The following PLOD3 variants were observed in gnomAD, a reference collection of about 807,000 sequenced individuals.
The protein encoded by PLOD3 is procollagen-lysine,2-oxoglutarate 5-dioxygenase 3.
Under a neutral mutation model 96.9 loss-of-function variants are expected in PLOD3, and 73 were observed. The observed-to-expected ratio is 0.75, with a 90% CI of 0.62 to 0.92. The LOEUF is 0.92. Ranked by LOEUF, PLOD3 falls within the 40% of genes least tolerant of loss-of-function variation. The pLI is 0.00. For synonymous variants in PLOD3, 454 were observed against 413.7 expected (o/e 1.10, Z -1.18); for missense variants, 1,004 against 1,004.3 (o/e 1.00, Z 0.00).
rs1314217218 is a variant in PLOD3, at chr7:101,211,837, G to A, written c.1232+9C>T. The stretch of plus-strand genomic sequence containing the variant: ...TGCCCTCCGGCTGCGGGGAGAGGGG[G>A]TAAGCCACCTGTTCTCCTCAATGAG... On this transcript the variant is annotated intron_variant, in intron 11 of 18. Coordinates refer to ENST00000223127, the MANE Select transcript of PLOD3 (RefSeq NM_001084.5). 4 of 1,606,986 alleles carry A rather than the reference G, an allele frequency of 2.5e-6. No homozygotes were observed. The highest frequency in any genetic ancestry group is 2.7e-5 in the African/African-American group (2 of 74,770).
chr7:101,206,100 C>A lies in PLOD3; in HGVS notation c.*181G>T. 1 of 712,174 alleles carries A rather than the reference C, an allele frequency of 1.4e-6. No individual in the cohort carries two copies. The highest frequency in any genetic ancestry group is 1.6e-5 in the South Asian group (1 of 63,398). 44.1% of individuals were successfully genotyped at this position (712,174 alleles called of 1,614,324 possible). A position where few individuals can be genotyped will look rare whatever the true frequency, so the allele number is the denominator to read the frequency against. ...TGTGGGCGGAGGAGAGAGGCGGGGA[C>A]TCCGGGAGCTTCCTGAGAGGGCCGT... On this transcript the variant is annotated 3_prime_UTR_variant, in exon 19 of 19. Transcript: ENST00000223127.
At position 101,216,018 on chromosome 7, in the gene PLOD3, A is replaced by C; in HGVS notation, c.505T>G (p.Phe169Val). 1.2e-6 allele frequency: 2 copies of C among 1,613,558 alleles called. No individual in the cohort carries two copies. Among genetic ancestry groups the C allele is most frequent in the South Asian group, 1.1e-5 (1 of 91,062 alleles). ...TGKRFLNSGG[F>V]IGFATTIHQI... ...TGGATGGTGGTGGCAAAACCGATGA[A>C]TCCTGGCGGGGAGGGGGAGTGTTGA... is the stretch of plus-strand genomic sequence containing the variant. Residue 169 changes from phenylalanine (F) to valine (V), a missense_variant and splice_region_variant, in exon 5 of 19, where the codon TTC (phenylalanine) becomes GTC (valine). Phe to Val is a conservative substitution (Grantham distance 50). Around this residue, in one of 5 missense-constraint regions of PLOD3, gnomAD observed 690 missense variants for 650.2 expected, o/e 1.06. Transcript: ENST00000223127.
In PLOD3 at chr7:101,206,898, C is replaced by T. The variant is rs1798094907; in HGVS notation, c.1942G>A (p.Ala648Thr). 3 of 1,557,086 alleles carry T rather than the reference C, an allele frequency of 1.9e-6. No homozygotes were observed. The highest frequency in any genetic ancestry group is 2.6e-6 in the Non-Finnish European group (3 of 1,149,906). Residue 648 changes from alanine (A) to threonine (T), a missense_variant, in exon 18 of 19, where the codon GCG becomes ACG. Transcript: ENST00000223127. ...TAGCGAACCACAAAGTTCATCACCG[C>T]CCGCGCCTGGGGGAGAGGAGGGAAG... is the stretch of plus-strand genomic sequence containing the variant. Reference protein sequence around the residue: ...LFPGYHTKARAVMNFVVRYRP... With the variant: ...LFPGYHTKARTVMNFVVRYRP...
Position 101,216,187 on chromosome 7 carries a change from C to T in PLOD3, c.478G>A (p.Gly160Arg), listed in dbSNP as rs1373431686. Residue 160 changes from glycine to arginine, a missense_variant, in exon 4 of 19, where the codon GGG (glycine) becomes AGG (arginine). Physicochemically the swap from Gly to Arg is moderately radical, Grantham distance 125. Coordinates refer to ENST00000223127, the MANE Select transcript of PLOD3 (RefSeq NM_001084.5). ...CCACCAGAATTGAGGAAGCGCTTCC[C>T]CGTGCCCACCTCAGGGTACTGCTCC... ...LAEQYPEVGT[G>R]KRFLNSGGFI... 1 of 1,613,922 alleles carries T rather than the reference C, an allele frequency of 6.2e-7. No individual in the cohort carries two copies. The highest frequency in any genetic ancestry group is 8.5e-7 in the Non-Finnish European group (1 of 1,180,020).
At chr7:101,209,461 T>C (rs1027270076) in intron 15 of PLOD3, among the ~76,000 whole-genome samples, 3 of 151,444 alleles carry the variant, frequency 2.0e-5, no homozygotes, top group African/African-American at 7.3e-5. Context: ...CACTGCAACC[T>C]CTGCCTCCCA....
intron 16 of PLOD3, 28 bp downstream of exon 16, chr7:101,208,825 C>T (rs757807909): frequency 4.2e-6 from 6 of 1,413,186 alleles, no homozygotes; most frequent in Non-Finnish European, 4.0e-6. Context: ...TCTGGGAAGG[C>T]CTCTGCCCTC....
Position 101,217,277 on chromosome 7 carries a change from TG to T in PLOD3, c.-4del, listed in dbSNP as rs2116813903. On this transcript the variant is annotated 5_prime_UTR_variant, in exon 1 of 19. Transcript: ENST00000223127. ...GGTCCAGGCCCCGAGGAGGTCATGG[TG>T]GGGAGCGGGCCCAGACAGCACCCAG... The T allele has an allele frequency of 9.5e-6, 14 of 1,475,180 alleles. No individual in the cohort carries two copies. Among genetic ancestry groups the T allele is most frequent in the Admixed American group, 2.5e-5 (1 of 39,844 alleles). 91.4% of individuals were successfully genotyped at this position (1,475,180 alleles called of 1,614,324 possible).
chr7:101,216,322 C>G lies in PLOD3; in HGVS notation c.343G>C (p.Asp115His). The G allele has an allele frequency of 1.2e-6, 2 of 1,613,372 alleles. No homozygotes were observed. The highest frequency in any genetic ancestry group is 1.7e-6 in the Non-Finnish European group (2 of 1,180,030). The change falls in exon 4 of 19, where the codon GAC becomes CAC. Residue 115 changes from aspartate (D) to histidine (H), a missense_variant. Physicochemically the swap from Asp to His is moderately conservative, Grantham distance 81. Coordinates refer to ENST00000223127, the MANE Select transcript of PLOD3 (RefSeq NM_001084.5). ...GTGGGGCTGCCGGCCAGAATCACGT[C>G]GTAGCTGGGTGAGGAAGGGGAGGAT... is the stretch of plus-strand genomic sequence containing the variant. The part of the protein sequence containing the change: ...DMIIMFVDSY[D>H]VILAGSPTEL...
At chr7:101,206,464 G>A (rs1287270684) in intron 18 of PLOD3, 28 bp from the exon 19 acceptor site, 2 of 1,569,070 alleles carry the variant, frequency 1.3e-6, no homozygotes, top group Non-Finnish European at 1.7e-6. Context: ...AGGAAACATG[G>A]AGTGAGCAGA....
At chr7:101,213,505 T>G (rs1584254515) in intron 6 of PLOD3, 1 of 382,252 alleles carries the variant, frequency 2.6e-6, no homozygotes, top group East Asian at 5.1e-5. Flanking sequence ...TCTCTCTCCT[T>G]GTTTTTTTTT....
rs1159896427 is a variant in PLOD3, at chr7:101,212,770, C to G, written c.879+72G>C. On this transcript the variant is annotated intron_variant, in intron 8 of 18. Coordinates refer to ENST00000223127, the MANE Select transcript of PLOD3 (RefSeq NM_001084.5). Reference sequence around the variant, plus strand: ...CAGGAGCGATGCCCCCACCGCCCCCCAGTCCGCTGTCCTTGTACCTCCTGC... The same window carrying G: ...CAGGAGCGATGCCCCCACCGCCCCCGAGTCCGCTGTCCTTGTACCTCCTGC... The G allele has an allele frequency of 6.4e-6, 10 of 1,570,046 alleles. No homozygotes were observed. In the East Asian group the frequency reaches 1.8e-4, roughly 28 times the overall value.
chr7:101,208,779 T>C, intron 16 of PLOD3, 74 bp downstream of exon 16: 2 of 1,005,610 alleles, frequency 2.0e-6, no homozygotes, highest in Non-Finnish European at 1.6e-6. Flanking sequence ...ATTTTCCTGA[T>C]TCCATTGTTT....
intron 12 of PLOD3, 74 bp downstream of exon 12, chr7:101,211,515 CCT>C (rs1471778895): frequency 1.3e-5 from 19 of 1,494,320 alleles, no homozygotes; most frequent in Middle Eastern, 1.9e-4. Context: ...ACTCCAAACC[CCT>C]GAGAGTAGGG....
Position 101,207,583 on chromosome 7 carries a change from T to C in PLOD3, c.1930A>G (p.Thr644Ala). 1 of 1,613,892 alleles carries C rather than the reference T, an allele frequency of 6.2e-7. No individual in the cohort carries two copies. The highest frequency in any genetic ancestry group is 8.5e-7 in the Non-Finnish European group (1 of 1,179,898). ...CTGGCAGGTGGGCAGCGCACCTTGG[T>C]GTGGTAACCGGGAAACAGGCTCTCG... Reference protein sequence around the residue: ...MTESLFPGYHTKARAVMNFVV... With the variant: ...MTESLFPGYHAKARAVMNFVV... The change falls in exon 17 of 19, where the codon ACC (threonine) becomes GCC (alanine). Residue 644 changes from threonine to alanine, a missense_variant. Transcript: ENST00000223127.
rs1338227530 is a variant in PLOD3 at position 101,207,839 on chromosome 7, C to T, written c.1789-115G>A. On this transcript the variant is annotated intron_variant, in intron 16 of 18. Transcript: ENST00000223127. ...GCCTTCACACCTGTGTTCCTCTGTGCAGAACAGTCTTCTTTGCTACTTCTC... is the reference window on the plus strand; with the variant it reads ...GCCTTCACACCTGTGTTCCTCTGTGTAGAACAGTCTTCTTTGCTACTTCTC... 4 of 1,145,114 alleles carry T rather than the reference C, an allele frequency of 3.5e-6. No individual in the cohort carries two copies. The African/African-American group carries it at 4.6e-5, about 13-fold the overall frequency. The allele number at this position is 1,145,114 out of a possible 1,614,324, so 70.9% of individuals were successfully genotyped here. A position where few individuals can be genotyped will look rare whatever the true frequency, so the allele number is the denominator to read the frequency against.
At chr7:101,206,523 G>C (rs4729670) in intron 18 of PLOD3, 87 bp from the exon 19 acceptor site, 29 of 1,271,590 alleles carry the variant, frequency 2.3e-5, no homozygotes, top group Admixed American at 5.9e-5. Flanking sequence ...CGGCCAGACC[G>C]GGGGGCACGG....
chr7:101,214,806 C>T (rs144849885), intron 6 of PLOD3, among the ~76,000 whole-genome samples: 155 of 152,246 alleles, frequency 1.0e-3, no homozygotes, highest in African/African-American at 3.4e-3. Context: ...CACTGCACTC[C>T]GGCCCGGGCA....
At position 101,217,191 on chromosome 7, in the gene PLOD3, G is replaced by C. The variant is rs1304379618; in HGVS notation, c.84C>G (p.Pro28=). ...CTGGGTTGACCGGGTCTCGGCCCCG[G>C]GGCCGGTCGGAGGCTGAGGCCGCAG... The part of the protein sequence containing the change: ...LPPAASASDR[P]RGRDPVNPEK... The change falls in exon 1 of 19, where the codon CCC becomes CCG. Residue 28 remains proline, a synonymous_variant. Transcript: ENST00000223127. 2.0e-6 allele frequency: 3 copies of C among 1,494,094 alleles called. No individual in the cohort carries two copies. The highest frequency in any genetic ancestry group is 2.7e-6 in the Non-Finnish European group (3 of 1,122,882). 92.6% of individuals were successfully genotyped at this position (1,494,094 alleles called of 1,614,324 possible).
At position 101,212,559 on chromosome 7, in the gene PLOD3, C is replaced by T. The variant is rs369736445; in HGVS notation, c.976G>A (p.Asp326Asn). 22 of 1,613,240 alleles carry T rather than the reference C, an allele frequency of 1.4e-5. No homozygotes were observed. In the African/African-American group the frequency reaches 1.6e-4, roughly 12 times the overall value. The change falls in exon 9 of 19, where the codon GAC becomes AAC. Residue 326 changes from aspartate (D) to asparagine (N), a missense_variant. Around this residue, in one of 5 missense-constraint regions of PLOD3, gnomAD observed 690 missense variants for 650.2 expected, o/e 1.06. Transcript: ENST00000223127. ...TTGTGCAGGAAAAGGGTGACCCTGT[C>T]GGGGGGATAGTCCAGGAGTAGCAGC... ...QRLLLLDYPP[D>N]RVTLFLHNNE...
Sources: allele counts gnomAD v4.1 joint callset (sites outside exome capture counted in the v4.1 genomes callset), GRCh38; gene constraint gnomAD v4.1.1; regional missense constraint gnomAD v4.1.1; transcripts MANE v1.5; gene names NCBI Gene and HGNC (gene_info 2026-07-23, HGNC 2026-07-21).